UVSSA: variants seen among roughly 807,000 people sequenced by gnomAD.
UVSSA encodes the protein UV-stimulated scaffold protein A.
A neutral mutation model predicts 73.9 loss-of-function variants in UVSSA; 72 were observed. That is an observed-to-expected ratio of 0.97 (90% confidence interval 0.81 to 1.19). UVSSA has a LOEUF of 1.19. UVSSA is among the 50% of genes most tolerant of loss of function. The pLI is 0.00. For missense variants in UVSSA, 1,150 were observed against 965.0 expected (o/e 1.19, Z -2.54); for synonymous variants, 454 against 391.3 (o/e 1.16, Z -1.89).
chr4:1,367,700 G>T (rs538232434), intron 8 of UVSSA, among the ~76,000 whole-genome samples: 1 of 151,972 alleles, frequency 6.6e-6, no homozygotes, highest in African/African-American at 2.4e-5. Context: ...GGCCCATTCC[G>T]GACCAGGGTC....
intron 2 of UVSSA, 125 bp downstream of exon 2, chr4:1,348,314 C>G (rs531088325): frequency 4.2e-5 from 31 of 739,278 alleles, no homozygotes; most frequent in Admixed American, 9.8e-5. Flanking sequence ...GACATTTTCT[C>G]GGGGCCCTGC....
intron 1 of UVSSA, 23 bp from the exon 2 acceptor site, chr4:1,348,067 A>G (rs1713991650): frequency 1.3e-6 from 2 of 1,566,354 alleles, no homozygotes; most frequent in Non-Finnish European, 1.8e-6. Context: ...GTGATATAGC[A>G]TCTCTGCCTT....
At chr4:1,345,126 G>T (rs1713572511), upstream of UVSSA, among the ~76,000 whole-genome samples, 1 of 152,170 alleles carries the variant, frequency 6.6e-6, no homozygotes, top group African/African-American at 2.4e-5. Context: ...ATGGTCTAGG[G>T]GTACCAGGGT....
At chr4:1,342,163 CTG>C (rs1271043770), upstream of UVSSA, among the ~76,000 whole-genome samples, 1 of 152,208 alleles carries the variant, frequency 6.6e-6, no homozygotes, top group Non-Finnish European at 1.5e-5. Context: ...TTATGTTTAA[CTG>C]TACCACAACT....
chr4:1,346,445 C>CTT (rs1713691038), upstream of UVSSA, among the ~76,000 whole-genome samples: 1 of 152,212 alleles, frequency 6.6e-6, no homozygotes, highest in Admixed American at 6.5e-5. Flanking sequence ...CGTCCGCAGC[C>CTT]GACCTCGCAC....
intron 13 of UVSSA, 126 bp downstream of exon 13, chr4:1,384,066 T>G: frequency 9.7e-6 from 12 of 1,238,650 alleles, no homozygotes; most frequent in Admixed American, 2.9e-5. Context: ...CTGCTTTGAG[T>G]TCCCCTGGGG....
At chr4:1,357,075 G>A (rs1209288381) in intron 7 of UVSSA, 1 of 151,714 alleles carries the variant, frequency 6.6e-6, no homozygotes, top group African/African-American at 2.5e-5. Context: ...CTGGTTATTG[G>A]TGAGGGTCCA....
chr4:1,369,686 A>G (rs916726489), intron 8 of UVSSA, among the ~76,000 whole-genome samples: 3 of 152,376 alleles, frequency 2.0e-5, no homozygotes, highest in African/African-American at 7.2e-5. Context: ...AGCGCTGGGC[A>G]GGCCGCCTGG....
At position 1,379,577 on chromosome 4, in the gene UVSSA, C is replaced by G. The variant is rs566255586; in HGVS notation, c.1569-470C>G. Among the ~76,000 whole-genome samples the G allele has an allele frequency of 7.2e-5, 11 of 152,354 alleles. No homozygotes were observed. The South Asian group carries it at 1.9e-3, about 26-fold the overall frequency. The stretch of plus-strand genomic sequence containing the variant: ...GCCAAGGGCTGAACGGCCTTCACTC[C>G]TTCTCCTGGGTGTGCTACCGCCCTG... On this transcript the variant is annotated intron_variant, in intron 10 of 13. Transcript: ENST00000389851.
exon 14 of UVSSA, chr4:1,394,628 A>C: frequency 6.9e-7 from 1 of 1,445,836 alleles, no homozygotes; most frequent in East Asian, 2.4e-5. Context: ...ACACATGTCG[A>C]TGCGGAGTGC....
intron 13 of UVSSA, chr4:1,385,293 T>A (rs1478009382): frequency 1.9e-5 from 3 of 155,584 alleles, no homozygotes; most frequent in Non-Finnish European, 4.3e-5. Context: ...GAGCGGCAGC[T>A]TCACCACATT....
chr4:1,354,903 T>TCTGG, intron 6 of UVSSA, 56 bp downstream of exon 6: 1 of 1,460,304 alleles, frequency 6.8e-7, no homozygotes, highest in Non-Finnish European at 9.3e-7. Flanking sequence ...GTGCCATGCA[T>TCTGG]GGGGGGGGTC....
chr4:1,384,105 C>A, intron 13 of UVSSA, 165 bp downstream of exon 13: 1 of 835,192 alleles, frequency 1.2e-6, no homozygotes, highest in Non-Finnish European at 1.8e-6. Context: ...CGGGGAGGGG[C>A]AGTGCCAGCC....
intron 2 of UVSSA, among the ~76,000 whole-genome samples, 158 bp from the exon 3 acceptor site, chr4:1,349,366 A>G (rs1051324542): frequency 1.3e-5 from 2 of 152,190 alleles, no homozygotes; most frequent in African/African-American, 4.8e-5. Context: ...GCCCTTGGGC[A>G]GTAGTTTGCA....
At chr4:1,391,970 A>G (rs1301883919), downstream of UVSSA, 1 of 152,190 alleles carries the variant, frequency 6.6e-6, no homozygotes, top group Non-Finnish European at 1.5e-5. Flanking sequence ...CCATTTCTAA[A>G]TTTGTTTACT....
chr4:1,382,784 C>T (rs949196614), intron 12 of UVSSA, among the ~76,000 whole-genome samples: 3 of 152,242 alleles, frequency 2.0e-5, no homozygotes, highest in Non-Finnish European at 2.9e-5. Flanking sequence ...TGTGGGCATT[C>T]CTCCGGGGAT....
At chr4:1,378,431 TA>T (rs1422004066) in intron 10 of UVSSA, among the ~76,000 whole-genome samples, 1 of 152,180 alleles carries the variant, frequency 6.6e-6, no homozygotes, top group Non-Finnish European at 1.5e-5. Flanking sequence ...CGTGCGCCTG[TA>T]ATCCCAGCTA....
rs13123442 is a variant in UVSSA, at chr4:1,364,273, G to A, written c.1177-2047G>A. On this transcript the variant is annotated intron_variant, in intron 7 of 13. Transcript: ENST00000389851. ...CCTGGCTCTGTGGGGGCCACCTCCC[G>A]GCAGGGTGCTGGTGCCCGGGCCCCG... is the stretch of plus-strand genomic sequence containing the variant. Among the ~76,000 whole-genome samples the A allele has an allele frequency of 3.5e-4, 30 of 85,058 alleles. 2 individuals are homozygous for A. The South Asian group carries it at 4.2e-3, about 12-fold the overall frequency. 55.8% of individuals were successfully genotyped at this position (85,058 alleles called of 152,430 possible). A position where few individuals can be genotyped will look rare whatever the true frequency, so the allele number is the denominator to read the frequency against.
At chr4:1,379,398 C>T (rs1719163484) in intron 10 of UVSSA, among the ~76,000 whole-genome samples, 1 of 152,258 alleles carries the variant, frequency 6.6e-6, no homozygotes, top group African/African-American at 2.4e-5. Context: ...CCGGCACACC[C>T]AGCCCCCCCA....
Sources: allele counts gnomAD v4.1 joint callset (sites outside exome capture counted in the v4.1 genomes callset), GRCh38; gene constraint gnomAD v4.1.1; transcripts MANE v1.5; gene names NCBI Gene and HGNC (gene_info 2026-07-23, HGNC 2026-07-21).